Variants in TTC29 observed in about 807,000 individuals in gnomAD.
TTC29 encodes the protein tetratricopeptide repeat protein 29.
In TTC29, 49 loss-of-function variants were observed where a neutral mutation model predicts 58.1. That is an observed-to-expected ratio of 0.84 (90% CI 0.67 to 1.07). The LOEUF (loss-of-function observed/expected upper bound fraction) is 1.07, where lower values mean the gene tolerates loss of function less well. TTC29 is among the 50% of genes least tolerant of loss of function. TTC29 has a pLI of 0.00. For missense variants in TTC29, 582 were observed against 555.6 expected, an observed-to-expected ratio of 1.05 and a Z score of -0.48; for synonymous variants, 209 against 196.8, an observed-to-expected ratio of 1.06 and a Z score of -0.52.
chr4:146,772,132 A>G (rs1327208783), intron 11 of TTC29, among the ~76,000 whole-genome samples: 3 of 151,966 alleles, frequency 2.0e-5, no homozygotes, highest in Non-Finnish European at 4.4e-5. Flanking sequence ...TAAGTTCCTT[A>G]TAGATTCTGG....
chr4:146,730,270 G>T (rs1227728399), intron 11 of TTC29, among the ~76,000 whole-genome samples: 1 of 152,070 alleles, frequency 6.6e-6, no homozygotes, highest in Non-Finnish European at 1.5e-5. Context: ...CAACGTGGAG[G>T]CAGCTGGAGG....
At chr4:146,731,295 T>C (rs890141280) in intron 11 of TTC29, among the ~76,000 whole-genome samples, 1 of 151,820 alleles carries the variant, frequency 6.6e-6, no homozygotes, top group African/African-American at 2.4e-5. Context: ...GAGGGTTGAA[T>C]AAAGAAGACA....
rs1184448433 is a variant in TTC29 at position 146,874,839 on chromosome 4, T to A, written c.676A>T (p.Asn226Tyr). Reference sequence around the variant, plus strand: ...AGGAGACTCTCACAGGCCAACAAGTTGAGAGAGCGGCCTGTCTCATCCTTC... The same window carrying A: ...AGGAGACTCTCACAGGCCAACAAGTAGAGAGAGCGGCCTGTCTCATCCTTC... Reference protein sequence around the residue: ...IWKDETGRSLNLLACESLLRT... With the variant: ...IWKDETGRSLYLLACESLLRT... The change falls in exon 7 of 13, where the codon AAC becomes TAC. Residue 226 changes from asparagine to tyrosine, a missense_variant. Asn to Tyr is a moderately radical substitution (Grantham distance 143). Coordinates refer to ENST00000325106, the MANE Select transcript of TTC29 (RefSeq NM_031956.4). 6.2e-7 allele frequency: 1 copy of A among 1,613,274 alleles called. No individual in the cohort carries two copies.
chr4:146,804,938 G>A (rs1032321485), intron 10 of TTC29, among the ~76,000 whole-genome samples: 1 of 152,222 alleles, frequency 6.6e-6, no homozygotes, highest in Non-Finnish European at 1.5e-5. Flanking sequence ...CCTCCTGACT[G>A]AGAGACATCT....
intron 11 of TTC29, among the ~76,000 whole-genome samples, chr4:146,777,619 T>C (rs1748209478): frequency 6.6e-6 from 1 of 152,228 alleles, no homozygotes; most frequent in Non-Finnish European, 1.5e-5. Flanking sequence ...TGCAGTGTTC[T>C]AAGCCTCTAA....
At chr4:146,933,609 T>C (rs1735517844) in intron 4 of TTC29, among the ~76,000 whole-genome samples, 2 of 152,222 alleles carry the variant, frequency 1.3e-5, no homozygotes, top group Admixed American at 1.3e-4. Context: ...CCATTTGAAG[T>C]TCACTGCTAA....
rs1750891144 is a variant in TTC29, at chr4:146,809,834, C to T, written c.1102-6149G>A. Among the ~76,000 whole-genome samples, 2 of 149,796 alleles carry T rather than the reference C, an allele frequency of 1.3e-5. 1 individual carries two copies. The highest frequency in any genetic ancestry group is 3.0e-5 in the Non-Finnish European group (2 of 67,602). On this transcript the variant is annotated intron_variant, in intron 10 of 12. Transcript: ENST00000325106. The stretch of plus-strand genomic sequence containing the variant: ...TTGGTGGGCGTGTAAATTAGTCCAA[C>T]CATTGCAGAAGACAGGGTGGCAATT...
intron 12 of TTC29, 118 bp from the exon 13 acceptor site, chr4:146,707,306 A>ACTT (rs1313483550): frequency 2.4e-6 from 2 of 823,922 alleles, no homozygotes; most frequent in East Asian, 2.7e-5. Flanking sequence ...AATTAAAAAT[A>ACTT]CTTAACCTTA....
intron 11 of TTC29, among the ~76,000 whole-genome samples, chr4:146,802,691 G>T (rs558417069): frequency 6.6e-6 from 1 of 152,194 alleles, no homozygotes; most frequent in Non-Finnish European, 1.5e-5. Context: ...ATTACAAAAG[G>T]TTTGCCTTAT....
chr4:146,804,320 A>T (rs528985394), intron 10 of TTC29, among the ~76,000 whole-genome samples: 1 of 152,196 alleles, frequency 6.6e-6, no homozygotes, highest in South Asian at 2.1e-4. Flanking sequence ...TTGGGTAGAC[A>T]CTGAGCTAGC....
intron 6 of TTC29, among the ~76,000 whole-genome samples, chr4:146,890,051 G>T (rs994723801): frequency 2.6e-5 from 4 of 151,736 alleles, no homozygotes; most frequent in African/African-American, 9.7e-5. Context: ...AACATCTTTG[G>T]TTACTTAAGG....
At chr4:146,767,920 T>C (rs916651975) in intron 11 of TTC29, among the ~76,000 whole-genome samples, 5 of 152,054 alleles carry the variant, frequency 3.3e-5, no homozygotes, top group Admixed American at 2.6e-4. Context: ...TTCAGCTTCC[T>C]TACCTTTAAA....
chr4:146,777,238 A>G (rs965250774), intron 11 of TTC29, among the ~76,000 whole-genome samples: 5 of 152,218 alleles, frequency 3.3e-5, no homozygotes, highest in Admixed American at 2.0e-4. Context: ...TTTTGCACCA[A>G]CCTAATACTT....
chr4:146,763,030 C>G (rs1203955859), intron 11 of TTC29, among the ~76,000 whole-genome samples: 1 of 151,894 alleles, frequency 6.6e-6, no homozygotes, highest in African/African-American at 2.4e-5. Flanking sequence ...TAGTTCTGCC[C>G]ACCTGTTTGG....
intron 11 of TTC29, among the ~76,000 whole-genome samples, chr4:146,715,010 A>C (rs980489013): frequency 1.2e-4 from 19 of 152,072 alleles, no homozygotes; most frequent in African/African-American, 3.9e-4. Flanking sequence ...TTAAAAAAAA[A>C]AAATTCTTGT....
intron 2 of TTC29, among the ~76,000 whole-genome samples, chr4:146,944,595 C>A (rs1268092262): frequency 1.3e-5 from 2 of 152,108 alleles, no homozygotes; most frequent in African/African-American, 4.8e-5. Flanking sequence ...CCAGTGTCTG[C>A]AGGGTTCAGT....
At chr4:146,802,176 C>A (rs1394152943) in intron 11 of TTC29, among the ~76,000 whole-genome samples, 4 of 151,710 alleles carry the variant, frequency 2.6e-5, no homozygotes, top group Non-Finnish European at 5.9e-5. Flanking sequence ...TTCTACTAAA[C>A]CTTCATCAGA....
intron 11 of TTC29, among the ~76,000 whole-genome samples, chr4:146,718,856 C>G (rs1485429648): frequency 1.3e-5 from 2 of 152,110 alleles, no homozygotes. Flanking sequence ...ATGTTTAAGT[C>G]TTCAATTCAT....
intron 11 of TTC29, among the ~76,000 whole-genome samples, chr4:146,803,208 A>G (rs1750356143): frequency 6.6e-6 from 1 of 152,176 alleles, no homozygotes; most frequent in African/African-American, 2.4e-5. Flanking sequence ...TGGTGAAAAA[A>G]AAAACAGCAT....
Sources: allele counts gnomAD v4.1 joint callset (sites outside exome capture counted in the v4.1 genomes callset), GRCh38; gene constraint gnomAD v4.1.1; transcripts MANE v1.5; gene names NCBI Gene and HGNC (gene_info 2026-07-23, HGNC 2026-07-21).